TBC1D31: variants seen among roughly 807,000 people sequenced by gnomAD.
The protein encoded by TBC1D31 is WD repeat domain 67.
TBC1D31 carries 99 observed loss-of-function variants against 132.9 expected under a neutral mutation model. The observed-to-expected ratio is 0.74, with a 90% CI of 0.63 to 0.88. TBC1D31 has a LOEUF of 0.88. Among genes scored for constraint, TBC1D31 ranks in the 40% least tolerant of loss-of-function variants. The pLI, the probability that TBC1D31 is intolerant of heterozygous loss-of-function variation, is 0.00. For synonymous variants in TBC1D31, 385 were observed against 419.4 expected (o/e 0.92, Z 1.00); for missense variants, 1,134 against 1,256.6 (o/e 0.90, Z 1.48).
At chr8:123,108,964 G>A (rs1043290834) in intron 8 of TBC1D31, among the ~76,000 whole-genome samples, 2 of 152,174 alleles carry the variant, frequency 1.3e-5, no homozygotes, top group African/African-American at 2.4e-5. Context: ...AACTACCCCC[G>A]TGATCCAGTC....
intron 15 of TBC1D31, 122 bp downstream of exon 15, chr8:123,129,340 C>A (rs369049025): frequency 8.5e-6 from 5 of 590,820 alleles, no homozygotes; most frequent in East Asian, 6.7e-5. Context: ...TGTAGCATTT[C>A]TATAAAGCAA....
At chr8:123,094,474 C>T (rs375808741) in intron 5 of TBC1D31, among the ~76,000 whole-genome samples, 21 of 151,944 alleles carry the variant, frequency 1.4e-4, no homozygotes, top group Admixed American at 5.9e-4. Context: ...AAGATAAGGG[C>T]GCTTTTGGAA....
intron 10 of TBC1D31, among the ~76,000 whole-genome samples, chr8:123,110,848 AG>A (rs1171986209): frequency 6.6e-6 from 1 of 152,220 alleles, no homozygotes; most frequent in Admixed American, 6.5e-5. Context: ...TGTTCAAATC[AG>A]GGTTCAAACA....
chr8:123,154,622 T>A (rs916422315), downstream of TBC1D31, among the ~76,000 whole-genome samples: 4 of 152,168 alleles, frequency 2.6e-5, no homozygotes, highest in African/African-American at 9.7e-5. Context: ...GAAACCACCC[T>A]CAGGCACAGG....
intron 19 of TBC1D31, 56 bp downstream of exon 19, chr8:123,142,512 TTAA>T: frequency 6.8e-6 from 9 of 1,329,016 alleles, no homozygotes; most frequent in South Asian, 1.8e-5. Context: ...TTTTTTTTTT[TTAA>T]AAGACAGAGT....
intron 17 of TBC1D31, among the ~76,000 whole-genome samples, chr8:123,137,510 C>G (rs1014582135): frequency 2.6e-5 from 4 of 152,192 alleles, no homozygotes; most frequent in African/African-American, 9.7e-5. Flanking sequence ...TCTAGTTGTC[C>G]TCTCCCAGTG....
At position 123,128,354 on chromosome 8, in the gene TBC1D31, C is replaced by T. The variant is rs369677519; in HGVS notation, c.1958C>T (p.Thr653Met). 6.8e-6 allele frequency: 11 copies of T among 1,613,100 alleles called. No homozygotes were observed. The highest frequency in any genetic ancestry group is 4.0e-5 in the African/African-American group (3 of 74,808). ...IRQVYHLMET[T>M]PTDIHPDSML... ...CAAGTTTATCATCTCATGGAGACCA[C>T]GCCTACTGACATTCATCCAGACAGC... Residue 653 changes from threonine (T) to methionine (M), a missense_variant, in exon 14 of 22, where the codon ACG (threonine) becomes ATG (methionine). Physicochemically the swap from Thr to Met is moderately conservative, Grantham distance 81. Transcript: ENST00000287380.
At chr8:123,102,042 C>T (rs1485304676) in intron 7 of TBC1D31, among the ~76,000 whole-genome samples, 9 of 152,188 alleles carry the variant, frequency 5.9e-5, no homozygotes, top group Non-Finnish European at 1.3e-4. Context: ...TCATTATCCC[C>T]ATAGACACCA....
chr8:123,075,179 A>C (rs1814370534), intron 1 of TBC1D31: 1 of 152,186 alleles, frequency 6.6e-6, no homozygotes, highest in Non-Finnish European at 1.5e-5. Context: ...CTCTGAGTTT[A>C]GTTGCCATGA....
intron 2 of TBC1D31, among the ~76,000 whole-genome samples, chr8:123,079,718 A>G (rs1226986028): frequency 6.6e-6 from 1 of 152,244 alleles, no homozygotes; most frequent in East Asian, 1.9e-4. Context: ...GTCTCCTTGC[A>G]TTGGACTCTA....
At chr8:123,150,379 T>G (rs1052832913) in intron 21 of TBC1D31, among the ~76,000 whole-genome samples, 1 of 152,250 alleles carries the variant, frequency 6.6e-6, no homozygotes, top group African/African-American at 2.4e-5. Context: ...GCACCAGCAC[T>G]GCTGCCCAAA....
At chr8:123,120,527 C>T (rs1274031608) in intron 11 of TBC1D31, among the ~76,000 whole-genome samples, 2 of 151,958 alleles carry the variant, frequency 1.3e-5, no homozygotes, top group Non-Finnish European at 2.9e-5. Flanking sequence ...CAAAAATTAG[C>T]CGGGTGTGGT....
chr8:123,097,513 T>C, intron 6 of TBC1D31, 72 bp downstream of exon 6: 1 of 1,442,848 alleles, frequency 6.9e-7, no homozygotes, highest in South Asian at 1.4e-5. Context: ...ATATTAGCTC[T>C]TATTTATTTA....
chr8:123,151,761 C>T, intron 21 of TBC1D31, 45 bp from the exon 22 acceptor site: 1 of 1,518,250 alleles, frequency 6.6e-7, no homozygotes, highest in Non-Finnish European at 8.8e-7. Flanking sequence ...TCACCGCTAA[C>T]ATCAGAAAAC....
intron 10 of TBC1D31, among the ~76,000 whole-genome samples, chr8:123,118,208 T>G (rs1437134146): frequency 6.6e-6 from 1 of 151,894 alleles, no homozygotes; most frequent in African/African-American, 2.4e-5. Context: ...AACGGAAAAA[T>G]GATATCAGTG....
At chr8:123,165,072 T>C in the TBC1D31 span, among the ~76,000 whole-genome samples, 1 of 152,206 alleles carries the variant, frequency 6.6e-6, no homozygotes, top group East Asian at 1.9e-4. Flanking sequence ...AAGGCGGCCA[T>C]CTACAAGCCA....
chr8:123,076,582 G>C (rs1047081925), intron 1 of TBC1D31, among the ~76,000 whole-genome samples: 8 of 152,204 alleles, frequency 5.3e-5, no homozygotes, highest in African/African-American at 1.7e-4. Context: ...CCAGGTGCTG[G>C]GGTACAGTAA....
chr8:123,084,820 C>T (rs1022008041), intron 4 of TBC1D31, among the ~76,000 whole-genome samples: 11 of 151,460 alleles, frequency 7.3e-5, no homozygotes, highest in African/African-American at 1.2e-4. Context: ...GACAGAATCT[C>T]GCTCTGTCAC....
At chr8:123,135,869 A>G (rs1350588105) in intron 17 of TBC1D31, among the ~76,000 whole-genome samples, 1 of 152,186 alleles carries the variant, frequency 6.6e-6, no homozygotes, top group East Asian at 1.9e-4. Flanking sequence ...GATAGTGGCA[A>G]TCGAAGGGTA....
Sources: allele counts gnomAD v4.1 joint callset (sites outside exome capture counted in the v4.1 genomes callset), GRCh38; gene constraint gnomAD v4.1.1; transcripts MANE v1.5; gene names NCBI Gene and HGNC (gene_info 2026-07-23, HGNC 2026-07-21).